COPG2: variants seen among roughly 807,000 people sequenced by gnomAD.
The protein encoded by COPG2 is coat protein complex I subunit gamma 2.
Under a neutral mutation model 46.3 loss-of-function variants are expected in COPG2, and 37 were observed. That is an observed-to-expected ratio of 0.80 (90% confidence interval 0.61 to 1.05). The LOEUF is 1.05. Ranked by LOEUF, COPG2 falls within the 50% of genes least tolerant of loss-of-function variation. COPG2 has a pLI of 0.00. For synonymous variants in COPG2, 159 were observed against 129.7 expected (o/e 1.23, Z -1.53); for missense variants, 427 against 387.8 (o/e 1.10, Z -0.85).
At chr7:130,628,298 A>G (rs1237540343) in intron 5 of COPG2, among the ~76,000 whole-genome samples, 2 of 151,892 alleles carry the variant, frequency 1.3e-5, no homozygotes, top group Admixed American at 1.3e-4. Flanking sequence ...TTTTCCTTTA[A>G]TAACTTTGGT....
At chr7:130,657,978 T>G (rs1471260420) in intron 4 of COPG2, among the ~76,000 whole-genome samples, 1 of 152,196 alleles carries the variant, frequency 6.6e-6, no homozygotes, top group Non-Finnish European at 1.5e-5. Flanking sequence ...GAAAAATGGG[T>G]TGGTAGTTTC....
In COPG2 at chr7:130,610,990, G is replaced by C. The variant is rs781866867; in HGVS notation, c.700C>G (p.Arg234Gly). ...TCTTTTAGTAAGCGACTGGCAATTCGGATCAGCATGCAGTAAGCAAACTGT... is the reference window on the plus strand; with the variant it reads ...TCTTTTAGTAAGCGACTGGCAATTCCGATCAGCATGCAGTAAGCAAACTGT... ...KSQFAYCMLI[R>G]IASRLLKETE... is the part of the protein sequence containing the mutation. Residue 234 changes from arginine to glycine, a missense_variant, in exon 9 of 24, where the codon CGA (arginine) becomes GGA (glycine). By Grantham distance (125) the Arg-to-Gly change is moderately radical (BLOSUM62 -2). Transcript: ENST00000425248. 6.2e-7 allele frequency: 1 copy of C among 1,613,794 alleles called. No homozygotes were observed.
chr7:130,571,514 G>C (rs558172095), intron 9 of COPG2, among the ~76,000 whole-genome samples: 1 of 152,252 alleles, frequency 6.6e-6, no homozygotes, highest in South Asian at 2.1e-4. Flanking sequence ...CCTTACTCCT[G>C]CAAGAATGGC....
At chr7:130,541,168 G>C (rs1259361610) in intron 20 of COPG2, among the ~76,000 whole-genome samples, 1 of 152,136 alleles carries the variant, frequency 6.6e-6, no homozygotes, top group Non-Finnish European at 1.5e-5. Context: ...AGATGACAGC[G>C]AGCAGATGGA....
chr7:130,515,714 G>C (rs1799672926), intron 20 of COPG2, among the ~76,000 whole-genome samples: 1 of 152,206 alleles, frequency 6.6e-6, no homozygotes, highest in African/African-American at 2.4e-5. Flanking sequence ...GAGAGATGGA[G>C]AGAATGGAGG....
At chr7:130,557,144 T>A (rs1208654936) in intron 12 of COPG2, among the ~76,000 whole-genome samples, 3 of 152,256 alleles carry the variant, frequency 2.0e-5, no homozygotes, top group Non-Finnish European at 2.9e-5. Flanking sequence ...ACTAACTCGA[T>A]AATTCACCAA....
chr7:130,514,514 A>T (rs1394647444), intron 20 of COPG2, among the ~76,000 whole-genome samples: 1 of 152,232 alleles, frequency 6.6e-6, no homozygotes, highest in Admixed American at 6.5e-5. Flanking sequence ...AGAGACAGAC[A>T]CTAGAGAGAA....
chr7:130,598,458 G>A (rs576922805), intron 9 of COPG2, among the ~76,000 whole-genome samples: 1 of 152,248 alleles, frequency 6.6e-6, no homozygotes, highest in South Asian at 2.1e-4. Context: ...CTCCATCTAA[G>A]GCCCAGATTT....
chr7:130,556,248 T>C (rs1793620803), intron 12 of COPG2, among the ~76,000 whole-genome samples: 1 of 152,154 alleles, frequency 6.6e-6, no homozygotes, highest in Non-Finnish European at 1.5e-5. Context: ...AGAGGGCTTT[T>C]TGCTCTAAAT....
chr7:130,627,422 T>C (rs1422932647), intron 5 of COPG2, among the ~76,000 whole-genome samples: 3 of 152,148 alleles, frequency 2.0e-5, no homozygotes, highest in African/African-American at 7.2e-5. Flanking sequence ...ACCTTGGTGT[T>C]ATCAGTACTG....
In COPG2 at chr7:130,629,479, C is replaced by T. The variant is rs929762142; in HGVS notation, c.324-12414G>A. ...GTGTGATCTCGGCTCACTGCAACCTCTGCCTCCCGGGTTCAAGCAATTCTC... is the reference window on the plus strand; with the variant it reads ...GTGTGATCTCGGCTCACTGCAACCTTTGCCTCCCGGGTTCAAGCAATTCTC... On this transcript the variant is annotated intron_variant, in intron 5 of 23. Coordinates refer to ENST00000425248, the MANE Select transcript of COPG2 (RefSeq NM_012133.6). 6.3e-4 allele frequency among the ~76,000 whole-genome samples: 96 copies of T among 151,322 alleles called. 1 individual carries two copies. The highest frequency in any genetic ancestry group is 1.6e-3 in the Admixed American group (24 of 15,190).
chr7:130,563,572 A>T (rs1793751896), intron 10 of COPG2, among the ~76,000 whole-genome samples: 1 of 151,724 alleles, frequency 6.6e-6, no homozygotes, highest in Non-Finnish European at 1.5e-5. Context: ...TTATCACAGC[A>T]TCAAAAATTT....
chr7:130,542,971 T>C (rs1793363653), intron 20 of COPG2, among the ~76,000 whole-genome samples: 1 of 152,180 alleles, frequency 6.6e-6, no homozygotes, highest in African/African-American at 2.4e-5. Flanking sequence ...AGTTAAATCC[T>C]AGACGACAAG....
At chr7:130,592,395 CAAA>C (rs1187335882) in intron 9 of COPG2, among the ~76,000 whole-genome samples, 4 of 74,960 alleles carry the variant, frequency 5.3e-5, no homozygotes, top group Admixed American at 1.5e-4. Context: ...CAAGAATGAT[CAAA>C]AAAAAAAAAA....
At chr7:130,607,370 G>T in intron 9 of COPG2, 2 of 397,454 alleles carry the variant, frequency 5.0e-6, no homozygotes, top group Admixed American at 3.1e-5. Flanking sequence ...AGTTTCTATT[G>T]ATTGCTTTTT....
chr7:130,599,135 T>C (rs1203451955), intron 9 of COPG2, among the ~76,000 whole-genome samples: 1 of 152,060 alleles, frequency 6.6e-6, no homozygotes, highest in Admixed American at 6.6e-5. Context: ...TAGAAAACTG[T>C]CCTCCTCCCT....
At chr7:130,667,882 ATG>A (rs1554461715) in intron 1 of COPG2, among the ~76,000 whole-genome samples, 2 of 152,184 alleles carry the variant, frequency 1.3e-5, no homozygotes, top group Admixed American at 6.5e-5. Context: ...GCAGTATTTT[ATG>A]TGTTTCTAAC....
intron 20 of COPG2, among the ~76,000 whole-genome samples, chr7:130,529,057 T>G (rs1220722034): frequency 1.3e-5 from 2 of 152,090 alleles, no homozygotes; most frequent in Non-Finnish European, 2.9e-5. Context: ...ACTGATGAAA[T>G]GTCAGGTGGA....
At chr7:130,659,887 G>A (rs1193280647) in intron 4 of COPG2, among the ~76,000 whole-genome samples, 3 of 152,270 alleles carry the variant, frequency 2.0e-5, no homozygotes, top group Admixed American at 2.0e-4. Flanking sequence ...ACTTCAGCCT[G>A]GGCGACAACT....
Sources: allele counts gnomAD v4.1 joint callset (sites outside exome capture counted in the v4.1 genomes callset), GRCh38; gene constraint gnomAD v4.1.1; transcripts MANE v1.5; gene names NCBI Gene and HGNC (gene_info 2026-07-23, HGNC 2026-07-21).